Variants in CDH11 observed in about 807,000 individuals in gnomAD.
The protein encoded by CDH11 is cadherin-11.
A neutral mutation model predicts 67.8 loss-of-function variants in CDH11; 11 were observed. The observed-to-expected ratio is 0.16, with a 90% CI of 0.10 to 0.27. The LOEUF is 0.27. Among genes scored for constraint, CDH11 ranks in the 10% least tolerant of loss-of-function variants. The pLI, the probability that CDH11 is intolerant of heterozygous loss-of-function variation, is 1.00. For synonymous variants in CDH11, 419 were observed against 400.0 expected (o/e 1.05, Z -0.57); for missense variants, 847 against 1,031.2 (o/e 0.82, Z 2.45).
chr16:65,117,911 T>C (rs765167457), intron 1 of CDH11, among the ~76,000 whole-genome samples: 2 of 152,082 alleles, frequency 1.3e-5, no homozygotes, highest in Admixed American at 1.3e-4. Context: ...TGCTGCTCAA[T>C]GTCAAGTTAC....
At chr16:65,098,333 C>T (rs1023874501) in intron 1 of CDH11, among the ~76,000 whole-genome samples, 2 of 152,130 alleles carry the variant, frequency 1.3e-5, no homozygotes, top group African/African-American at 4.8e-5. Flanking sequence ...GTAAGATAAA[C>T]CTAGTAGTCT....
intron 1 of CDH11, among the ~76,000 whole-genome samples, chr16:65,069,539 C>G (rs900696055): frequency 6.6e-6 from 1 of 152,090 alleles, no homozygotes; most frequent in Non-Finnish European, 1.5e-5. Flanking sequence ...AGCTTGGGTA[C>G]AAATACCGAT....
intron 2 of CDH11, among the ~76,000 whole-genome samples, chr16:65,024,821 A>T (rs898579813): frequency 6.6e-6 from 1 of 152,204 alleles, no homozygotes; most frequent in Non-Finnish European, 1.5e-5. Context: ...TCCAGACAAG[A>T]TCTTTGGAAT....
intron 2 of CDH11, among the ~76,000 whole-genome samples, chr16:65,037,276 A>G (rs1302085425): frequency 6.6e-6 from 1 of 152,190 alleles, no homozygotes; most frequent in Admixed American, 6.5e-5. Flanking sequence ...ACTGGAGACA[A>G]AATTCCCCAC....
chr16:64,947,944 G>C lies in CDH11; in HGVS notation c.2050C>G (p.Pro684Ala). The change falls in exon 13 of 13, where the codon CCT (proline) becomes GCT (alanine). Residue 684 changes from proline (P) to alanine (A), a missense_variant. Around this residue, in one of 2 missense-constraint regions of CDH11, gnomAD observed 612 missense variants for 678.7 expected, o/e 0.90. Coordinates refer to ENST00000268603, the MANE Select transcript of CDH11 (RefSeq NM_001797.4). ...GGGATAAATCCATTGATACCATCAG[G>C]ATTCTGGAGGGTGGCAATATCAAAG... ...EAFDIATLQN[P>A]DGINGFIPRK... The C allele has an allele frequency of 6.2e-7, 1 of 1,614,148 alleles. No individual in the cohort carries two copies. Among genetic ancestry groups the C allele is most frequent in the South Asian group, 1.1e-5 (1 of 91,082 alleles).
chr16:65,065,653 T>C (rs1331370330), intron 1 of CDH11, among the ~76,000 whole-genome samples: 1 of 152,116 alleles, frequency 6.6e-6, no homozygotes, highest in African/African-American at 2.4e-5. Context: ...AAGATAATTA[T>C]TGGGCTGCTT....
At chr16:64,985,368 T>A (rs1052303483) in intron 7 of CDH11, 5 of 152,154 alleles carry the variant, frequency 3.3e-5, no homozygotes, top group African/African-American at 1.2e-4. Context: ...CTTTGTAACA[T>A]CTCCCTTGAA....
At chr16:64,984,971 T>C (rs2072449040) in intron 7 of CDH11, 1 of 152,234 alleles carries the variant, frequency 6.6e-6, no homozygotes, top group Non-Finnish European at 1.5e-5. Flanking sequence ...AATTCTGCTC[T>C]GACACTGCTT....
chr16:65,011,940 C>T (rs912752692), intron 2 of CDH11, among the ~76,000 whole-genome samples: 8 of 152,176 alleles, frequency 5.3e-5, no homozygotes, highest in African/African-American at 1.9e-4. Context: ...AGTAAATATG[C>T]ATCAAGCTTT....
chr16:64,963,080 A>G (rs2071716796), intron 11 of CDH11, among the ~76,000 whole-genome samples: 1 of 152,252 alleles, frequency 6.6e-6, no homozygotes, highest in African/African-American at 2.4e-5. Context: ...AGAACAAAAA[A>G]TCCTACAATT....
intron 1 of CDH11, among the ~76,000 whole-genome samples, chr16:65,073,220 T>TC (rs2074449804): frequency 6.6e-6 from 1 of 152,102 alleles, no homozygotes; most frequent in Non-Finnish European, 1.5e-5. Flanking sequence ...CCCTGCCCTC[T>TC]CCCCCAAAAA....
At chr16:65,055,065 G>A (rs2074120253) in intron 1 of CDH11, among the ~76,000 whole-genome samples, 1 of 152,202 alleles carries the variant, frequency 6.6e-6, no homozygotes, top group African/African-American at 2.4e-5. Flanking sequence ...TTATCCAAAT[G>A]TCAGGACAGA....
At chr16:64,981,006 C>T (rs40115) in intron 8 of CDH11, 40,009 of 151,778 alleles carry the variant, frequency 0.26, 6,056 homozygotes, top group Middle Eastern at 0.36. Flanking sequence ...ATCACCCTCT[C>T]ATTTTTGTCA....
intron 1 of CDH11, among the ~76,000 whole-genome samples, chr16:65,074,677 G>A (rs751251583): frequency 2.0e-5 from 3 of 152,026 alleles, no homozygotes; most frequent in Non-Finnish European, 2.9e-5. Context: ...TGTGCACAGA[G>A]AGAGACAAAC....
At chr16:65,021,480 G>C (rs2142578556) in intron 2 of CDH11, among the ~76,000 whole-genome samples, 1 of 151,804 alleles carries the variant, frequency 6.6e-6, no homozygotes, top group South Asian at 2.1e-4. Context: ...TCAGTCATCT[G>C]AGAAGAAAAA....
At chr16:65,083,138 A>T (rs936230735) in intron 1 of CDH11, among the ~76,000 whole-genome samples, 2 of 152,190 alleles carry the variant, frequency 1.3e-5, no homozygotes, top group African/African-American at 4.8e-5. Context: ...CAATGAACAC[A>T]CTGAAACACA....
chr16:65,067,126 C>A (rs1055898944), intron 1 of CDH11, among the ~76,000 whole-genome samples: 45 of 150,758 alleles, frequency 3.0e-4, no homozygotes, highest in Non-Finnish European at 7.4e-5. Context: ...TTTATCCATT[C>A]TATATGTTTT....
intron 2 of CDH11, among the ~76,000 whole-genome samples, chr16:65,044,570 C>G (rs1342769068): frequency 1.3e-5 from 2 of 152,052 alleles, no homozygotes; most frequent in Admixed American, 6.6e-5. Flanking sequence ...AAGGGACAAA[C>G]TATCTCACAG....
intron 1 of CDH11, among the ~76,000 whole-genome samples, chr16:65,100,497 A>C (rs183779335): frequency 0.014 from 2,171 of 152,178 alleles, 31 homozygotes; most frequent in Non-Finnish European, 0.02. Context: ...CCAGCACTTT[A>C]GAAGGCCGAG....
Sources: allele counts gnomAD v4.1 joint callset (sites outside exome capture counted in the v4.1 genomes callset), GRCh38; gene constraint gnomAD v4.1.1; regional missense constraint gnomAD v4.1.1; transcripts MANE v1.5; gene names NCBI Gene and HGNC (gene_info 2026-07-23, HGNC 2026-07-21).